Variants in POLE observed in about 807,000 individuals in gnomAD.
POLE encodes DNA polymerase epsilon catalytic subunit A.
Under a neutral mutation model 279.2 loss-of-function variants are expected in POLE, and 188 were observed. The ratio of observed to expected loss-of-function variants is 0.67; its 90% CI spans 0.60 to 0.76. The LOEUF (loss-of-function observed/expected upper bound fraction) is 0.76, where lower values mean the gene tolerates loss of function less well. Ranked by LOEUF, POLE falls within the 30% of genes least tolerant of loss-of-function variation. POLE has a pLI of 0.00. For missense variants in POLE, 2,703 were observed against 3,016.7 expected, an observed-to-expected ratio of 0.90 and a Z score of 2.44; for synonymous variants, 1,214 against 1,172.5, an observed-to-expected ratio of 1.04 and a Z score of -0.72.
At chr12:132,680,449 A>G in intron 3 of POLE, 158 bp downstream of exon 3, 1 of 676,138 alleles carries the variant, frequency 1.5e-6, no homozygotes, top group Non-Finnish European at 2.6e-6. Context: ...CTCTCTCAGG[A>G]CATCTTACGT....
At chr12:132,656,158 A>G (rs977201016) in intron 29 of POLE, among the ~76,000 whole-genome samples, 11 of 152,250 alleles carry the variant, frequency 7.2e-5, no homozygotes, top group Admixed American at 7.2e-4. Flanking sequence ...GCTACACTAG[A>G]GGCTGAGGCA....
At chr12:132,648,662 T>C (rs2138593019) in intron 32 of POLE, 1 of 382,000 alleles carries the variant, frequency 2.6e-6, no homozygotes, top group Non-Finnish European at 4.7e-6. Context: ...GAGTTCACAA[T>C]CTCTAACCAA....
intron 29 of POLE, 97 bp from the exon 30 acceptor site, chr12:132,649,986 G>A: frequency 9.7e-7 from 1 of 1,034,950 alleles, no homozygotes; most frequent in Non-Finnish European, 1.4e-6. Flanking sequence ...CAAGACAGGA[G>A]AATTGCTTGG....
chr12:132,653,206 C>A (rs1223851472), intron 29 of POLE, among the ~76,000 whole-genome samples: 1 of 152,070 alleles, frequency 6.6e-6, no homozygotes, highest in Non-Finnish European at 1.5e-5. Flanking sequence ...ACAGTGAGAC[C>A]CAGCCTCTAC....
chr12:132,626,582 G>A (rs1029478629), intron 45 of POLE, among the ~76,000 whole-genome samples: 8 of 151,562 alleles, frequency 5.3e-5, no homozygotes, highest in African/African-American at 1.9e-4. Flanking sequence ...AAGAGAGAGA[G>A]CACTCAACCC....
At chr12:132,679,859 A>AGAT in intron 5 of POLE, 95 bp downstream of exon 5, 1 of 1,045,012 alleles carries the variant, frequency 9.6e-7, no homozygotes, top group Non-Finnish European at 1.4e-6. Flanking sequence ...ATCACCCAAC[A>AGAT]GATGACCTGA....
In POLE at chr12:132,657,179, T is replaced by C. The variant is rs1311314922; in HGVS notation, c.3539A>G (p.Gln1180Arg). The C allele has an allele frequency of 1.9e-6, 3 of 1,614,080 alleles. No individual in the cohort carries two copies. Among genetic ancestry groups the C allele is most frequent in the African/African-American group, 1.3e-5 (1 of 75,006 alleles). Residue 1180 changes from glutamine to arginine, a missense_variant, in exon 29 of 49, where the codon CAG (glutamine) becomes CGG (arginine). Gln to Arg is a conservative substitution (Grantham distance 43, BLOSUM62 1). Transcript: ENST00000320574. ...GGTGAAGAGCTCACTGATCTTCTTC[T>C]GCTTGTAGACATCATTCTTCTCCAG... ...KLLEKNDVYK[Q>R]KKISELFTLE...
At chr12:132,674,483 C>G (rs1043238251) in intron 12 of POLE, among the ~76,000 whole-genome samples, 1 of 152,106 alleles carries the variant, frequency 6.6e-6, no homozygotes, top group Non-Finnish European at 1.5e-5. Context: ...GCTAGCATAT[C>G]GGTAGCAGGG....
intron 32 of POLE, 29 bp downstream of exon 32, chr12:132,648,900 C>CT (rs749128932): frequency 2.5e-6 from 4 of 1,595,278 alleles, no homozygotes; most frequent in Non-Finnish European, 3.4e-6. Context: ...GCCCAGATGA[C>CT]TGCAGAGGCA....
intron 14 of POLE, 57 bp downstream of exon 14, chr12:132,673,107 T>C: frequency 7.8e-6 from 9 of 1,154,480 alleles, no homozygotes; most frequent in Non-Finnish European, 1.2e-5. Context: ...TCCAGTGCAT[T>C]TGGAATGGGG....
chr12:132,630,647 A>G (rs894051273), intron 45 of POLE, among the ~76,000 whole-genome samples: 11 of 152,202 alleles, frequency 7.2e-5, no homozygotes, highest in African/African-American at 2.7e-4. Flanking sequence ...GCTAACCAGG[A>G]GGCAGAGGTT....
At chr12:132,635,292 G>A (rs1187454809) in intron 42 of POLE, among the ~76,000 whole-genome samples, 2 of 152,136 alleles carry the variant, frequency 1.3e-5, no homozygotes, top group African/African-American at 4.8e-5. Context: ...CATCCGATCC[G>A]CTGGCCCCTT....
intron 45 of POLE, among the ~76,000 whole-genome samples, chr12:132,626,518 A>G (rs1405340042): frequency 6.6e-6 from 1 of 152,196 alleles, no homozygotes; most frequent in African/African-American, 2.4e-5. Context: ...GGAATTTACT[A>G]AACATTTAAG....
intron 27 of POLE, 71 bp from the exon 28 acceptor site, chr12:132,657,500 G>A: frequency 7.9e-7 from 1 of 1,266,990 alleles, no homozygotes; most frequent in Non-Finnish European, 1.1e-6. Flanking sequence ...ACTTCATGCT[G>A]AGCACAGGGC....
chr12:132,659,204 G>GGGGAGCCCTCACCACTCCGTGACGGA, intron 26 of POLE, 91 bp downstream of exon 26: 1 of 1,344,214 alleles, frequency 7.4e-7, no homozygotes, highest in Non-Finnish European at 1.0e-6. Flanking sequence ...TCTGTGATGA[G>GGGGAGCCCTCACCACTCCGTGACGGA]GGGAGCCCTC....
intron 42 of POLE, 110 bp downstream of exon 42, chr12:132,635,782 T>C (rs937668808): frequency 2.8e-6 from 3 of 1,087,902 alleles, no homozygotes; most frequent in East Asian, 4.8e-5. Context: ...GCGGGTGCAG[T>C]GTCTGCTGCT....
At chr12:132,630,423 G>A (rs1485348820) in intron 45 of POLE, among the ~76,000 whole-genome samples, 1 of 152,120 alleles carries the variant, frequency 6.6e-6, no homozygotes, top group African/African-American at 2.4e-5. Flanking sequence ...CACCAAAGAG[G>A]ACAGACACCA....
intron 5 of POLE, 147 bp downstream of exon 5, chr12:132,679,807 G>T: frequency 1.0e-6 from 1 of 1,000,902 alleles, no homozygotes; most frequent in Non-Finnish European, 1.5e-6. Context: ...CACCACTAGA[G>T]CTCTTTGGAA....
At chr12:132,683,830 T>C (rs1369864171) in intron 1 of POLE, among the ~76,000 whole-genome samples, 1 of 152,258 alleles carries the variant, frequency 6.6e-6, no homozygotes, top group Non-Finnish European at 1.5e-5. Context: ...TTCTCTGAGC[T>C]GTGTATCTCA....
Sources: allele counts gnomAD v4.1 joint callset (sites outside exome capture counted in the v4.1 genomes callset), GRCh38; gene constraint gnomAD v4.1.1; transcripts MANE v1.5; gene names NCBI Gene and HGNC (gene_info 2026-07-23, HGNC 2026-07-21).